The following ZWILCH variants were observed in gnomAD, a reference collection of about 807,000 sequenced individuals.
ZWILCH encodes the protein zwilch kinetochore protein.
ZWILCH carries 74 observed loss-of-function variants against 79.9 expected under a neutral mutation model. The observed-to-expected ratio is 0.93, with a 90% confidence interval of 0.77 to 1.12. The LOEUF is 1.12. ZWILCH is among the 50% of genes most tolerant of loss of function. The probability of loss-of-function intolerance (pLI) is 0.00; values close to 1 mark genes in which losing one functional copy is unlikely to be tolerated. For missense variants in ZWILCH, 694 were observed against 687.5 expected, an observed-to-expected ratio of 1.01 and a Z score of -0.11; for synonymous variants, 241 against 228.2, an observed-to-expected ratio of 1.06 and a Z score of -0.51.
rs1216738645 is a variant in ZWILCH, at chr15:66,549,836, A to G, written c.*1512A>G. 5 of 417,658 alleles carry G rather than the reference A, an allele frequency of 1.2e-5. No homozygotes were observed. The highest frequency in any genetic ancestry group is 4.3e-6 in the Non-Finnish European group (1 of 232,824). The allele number at this position is 417,658 out of a possible 1,614,324, so 25.9% of individuals were successfully genotyped here. On this transcript the variant is annotated 3_prime_UTR_variant, in exon 19 of 19. Coordinates refer to ENST00000307897, the MANE Select transcript of ZWILCH (RefSeq NM_017975.5). ...TAAAACTTGAATGGATAAAATGGAT[A>G]AAATGTTTATCTTTCATGGTAGATT...
intron 17 of ZWILCH, among the ~76,000 whole-genome samples, chr15:66,544,599 C>T (rs1895294752): frequency 6.6e-6 from 1 of 152,070 alleles, no homozygotes; most frequent in African/African-American, 2.4e-5. Context: ...CTCAGCCTCC[C>T]AAAGCCCTAG....
rs1895348686 is a variant in ZWILCH at position 66,545,688 on chromosome 15, T to C, written c.1688-903T>C. ...TTGTAGCCATCATATATTCTTGATATGTTTGTCTAGAAATTATTCAGTGTC... is the reference window on the plus strand; with the variant it reads ...TTGTAGCCATCATATATTCTTGATACGTTTGTCTAGAAATTATTCAGTGTC... On this transcript the variant is annotated intron_variant, in intron 17 of 18. Transcript: ENST00000307897. 2.6e-5 allele frequency among the ~76,000 whole-genome samples: 4 copies of C among 152,248 alleles called. No homozygotes were observed. The South Asian group carries it at 6.2e-4, about 24-fold the overall frequency.
intron 8 of ZWILCH, among the ~76,000 whole-genome samples, chr15:66,526,663 C>T (rs1364225464): frequency 6.6e-6 from 1 of 151,876 alleles, no homozygotes; most frequent in East Asian, 1.9e-4. Context: ...GGGGTTTCAC[C>T]GTGTTAGCCA....
At chr15:66,532,428 A>C (rs1894884224) in intron 13 of ZWILCH, 25 bp downstream of exon 13, 2 of 1,579,668 alleles carry the variant, frequency 1.3e-6, no homozygotes, top group South Asian at 1.2e-5. Context: ...TGGCTCAAAA[A>C]ATTAAAAAAC....
At chr15:66,544,257 CA>C (rs201291418) in intron 17 of ZWILCH, among the ~76,000 whole-genome samples, 18 of 139,078 alleles carry the variant, frequency 1.3e-4, no homozygotes, top group African/African-American at 8.0e-5. Context: ...AACTCCATCT[CA>C]AAAAAAAAAA....
intron 16 of ZWILCH, among the ~76,000 whole-genome samples, chr15:66,538,647 C>T (rs891900942): frequency 1.3e-5 from 2 of 152,186 alleles, no homozygotes; most frequent in African/African-American, 4.8e-5. Flanking sequence ...TCCCAAAGTA[C>T]TGGGATTACA....
intron 17 of ZWILCH, among the ~76,000 whole-genome samples, chr15:66,544,658 A>G (rs1256027501): frequency 1.8e-4 from 28 of 151,742 alleles, no homozygotes; most frequent in Admixed American, 1.8e-3. Flanking sequence ...GACAATTTTA[A>G]AGACATAAAT....
chr15:66,509,733 A>T (rs1173793421), intron 2 of ZWILCH, among the ~76,000 whole-genome samples: 1 of 150,812 alleles, frequency 6.6e-6, no homozygotes, highest in Admixed American at 6.6e-5. Flanking sequence ...AAACTAAAAT[A>T]AAGTATACAT....
chr15:66,537,035 C>T, intron 15 of ZWILCH, 133 bp from the exon 16 acceptor site: 1 of 509,946 alleles, frequency 2.0e-6, no homozygotes. Context: ...ACTTTTGTGG[C>T]TCTAAAAGTG....
At chr15:66,515,724 G>A in intron 4 of ZWILCH, 80 bp downstream of exon 4, 1 of 961,372 alleles carries the variant, frequency 1.0e-6, no homozygotes, top group Non-Finnish European at 1.7e-6. Flanking sequence ...GGAAAAATAG[G>A]CCTCTAGCCC....
intron 17 of ZWILCH, among the ~76,000 whole-genome samples, chr15:66,542,909 CAT>C (rs1385568179): frequency 6.6e-6 from 1 of 152,114 alleles, no homozygotes; most frequent in Non-Finnish European, 1.5e-5. Flanking sequence ...ATACCTTTTC[CAT>C]ATTAGCAAAG....
intron 2 of ZWILCH, among the ~76,000 whole-genome samples, chr15:66,509,847 A>AATTATGTGTGTGTGTGGC (rs1567039398): frequency 0.017 from 1,867 of 108,286 alleles, 139 homozygotes; most frequent in Non-Finnish European, 0.025. Flanking sequence ...ATATATATAT[A>AATTATGTGTGTGTGTGGC]TATATATATA....
At chr15:66,518,525 A>G (rs1161345557) in intron 4 of ZWILCH, among the ~76,000 whole-genome samples, 1 of 152,102 alleles carries the variant, frequency 6.6e-6, no homozygotes, top group African/African-American at 2.4e-5. Flanking sequence ...TTTAAAAGAA[A>G]ATTCTGGCTG....
At chr15:66,544,724 T>TTTTTTTTGTGTGTGTGTGTGTG (rs145952622) in intron 17 of ZWILCH, among the ~76,000 whole-genome samples, 5 of 128,542 alleles carry the variant, frequency 3.9e-5, no homozygotes, top group South Asian at 5.4e-4. Context: ...TTTTTGGTTT[T>TTTTTTTTGTGTGTGTGTGTGTG]TGTGTGTGTG....
chr15:66,521,221 A>G lies in ZWILCH; in HGVS notation c.747+16A>G, dbSNP rs778909866. The G allele has an allele frequency of 1.2e-6, 2 of 1,606,178 alleles. No individual in the cohort carries two copies. The highest frequency in any genetic ancestry group is 8.5e-7 in the Non-Finnish European group (1 of 1,179,604). On this transcript the variant is annotated intron_variant, in intron 7 of 18. Coordinates refer to ENST00000307897, the MANE Select transcript of ZWILCH (RefSeq NM_017975.5). ...TGCAACTCTGGTAAGAGTGGGCCCT[A>G]TTTCCTTTTCGGGTTCATGAGACTC...
intron 4 of ZWILCH, among the ~76,000 whole-genome samples, chr15:66,517,145 G>A (rs1894292986): frequency 6.6e-6 from 1 of 151,556 alleles, no homozygotes; most frequent in South Asian, 2.1e-4. Context: ...CAAATTTATG[G>A]GAAAGTTACA....
Position 66,532,302 on chromosome 15 carries a change from G to A in ZWILCH, c.1211G>A (p.Gly404Glu). Residue 404 changes from glycine (G) to glutamate (E), a missense_variant, in exon 13 of 19, where the codon GGA becomes GAA. Physicochemically the swap from Gly to Glu is moderately conservative, Grantham distance 98 (BLOSUM62 -2). Transcript: ENST00000307897. ...AAGCTCATTCATCAGTCTTATCATG[G>A]AACCATGGACACAGTTTCTCTCAGT... ...LSKLIHQSYH[G>E]TMDTVSLSGT... The A allele has an allele frequency of 6.2e-7, 1 of 1,611,074 alleles. No homozygotes were observed.
chr15:66,524,663 CT>C (rs1894612352), intron 8 of ZWILCH: 1 of 152,180 alleles, frequency 6.6e-6, no homozygotes, highest in Non-Finnish European at 1.5e-5. Context: ...AATTTGTTTA[CT>C]TATCTGTCTC....
chr15:66,517,643 G>T (rs1268551794), intron 4 of ZWILCH, among the ~76,000 whole-genome samples: 1 of 147,768 alleles, frequency 6.8e-6, no homozygotes, highest in South Asian at 2.1e-4. Context: ...CCTAATCAGA[G>T]CCCATATTCA....
Sources: gnomAD v4.1 joint callset for allele counts (sites outside exome capture counted in the v4.1 genomes callset) on GRCh38, gnomAD v4.1.1 for gene constraint, MANE v1.5 for transcripts, NCBI Gene and HGNC (gene_info 2026-07-23, HGNC 2026-07-21) for gene names.